The following B3GALT1 variants were observed in gnomAD, a reference collection of about 807,000 sequenced individuals.
The protein encoded by B3GALT1 is UDP-Gal:betaGlcNAc beta 1,3-galactosyltransferase, polypeptide 1.
B3GALT1 carries 10 observed loss-of-function variants against 23.2 expected under a neutral mutation model. The observed-to-expected ratio is 0.43, with a 90% CI of 0.27 to 0.73. The LOEUF (loss-of-function observed/expected upper bound fraction) is 0.73, where lower values mean the gene tolerates loss of function less well. Among genes scored for constraint, B3GALT1 ranks in the 30% least tolerant of loss-of-function variants. B3GALT1 has a pLI of 0.21. For missense variants in B3GALT1, 299 were observed against 405.4 expected (o/e 0.74, Z 2.25); for synonymous variants, 156 against 141.5 (o/e 1.10, Z -0.73).
At chr2:167,604,463 CTT>C (rs1015511521) in intron 2 of B3GALT1, among the ~76,000 whole-genome samples, 1 of 152,174 alleles carries the variant, frequency 6.6e-6, no homozygotes, top group African/African-American at 2.4e-5. Flanking sequence ...CGCATAATCA[CTT>C]TGTTTTGTAG....
chr2:167,572,751 C>G (rs942338798), intron 2 of B3GALT1, among the ~76,000 whole-genome samples: 2 of 151,556 alleles, frequency 1.3e-5, no homozygotes, highest in African/African-American at 2.4e-5. Context: ...GCTCACTTTA[C>G]AAAAAATATG....
intron 2 of B3GALT1, among the ~76,000 whole-genome samples, chr2:167,563,434 ACAG>A: frequency 6.9e-5 from 8 of 115,266 alleles, no homozygotes; most frequent in Admixed American, 2.5e-4. Flanking sequence ...TCCCTCCCGG[ACAG>A]GGGCGGCTGG....
At chr2:167,657,724 G>GT (rs1010098777) in intron 3 of B3GALT1, among the ~76,000 whole-genome samples, 5 of 151,918 alleles carry the variant, frequency 3.3e-5, no homozygotes, top group African/African-American at 1.2e-4. Context: ...GGTGTGTAAG[G>GT]TTTTTTTGAA....
chr2:167,341,790 A>G (rs916156967), intron 1 of B3GALT1, among the ~76,000 whole-genome samples: 2 of 152,212 alleles, frequency 1.3e-5, no homozygotes, highest in African/African-American at 2.4e-5. Context: ...TCTTGGAAAG[A>G]TATTTCCTGT....
At chr2:167,302,307 G>A (rs2105480367) in intron 1 of B3GALT1, among the ~76,000 whole-genome samples, 1 of 151,920 alleles carries the variant, frequency 6.6e-6, no homozygotes, top group East Asian at 1.9e-4. Context: ...TTTTTGCTGG[G>A]AACAGGCACT....
intron 2 of B3GALT1, among the ~76,000 whole-genome samples, chr2:167,546,778 C>T (rs761771282): frequency 2.0e-5 from 3 of 152,216 alleles, no homozygotes; most frequent in African/African-American, 4.8e-5. Flanking sequence ...CTTTGTCTCT[C>T]ACTCATATAT....
At chr2:167,793,445 A>G (rs1688481357) in intron 3 of B3GALT1, among the ~76,000 whole-genome samples, 1 of 152,138 alleles carries the variant, frequency 6.6e-6, no homozygotes. Context: ...GAGGGTACAG[A>G]TAGGAACAAA....
chr2:167,584,561 A>T (rs151136206), intron 2 of B3GALT1, among the ~76,000 whole-genome samples: 68 of 152,322 alleles, frequency 4.5e-4, no homozygotes, highest in African/African-American at 1.5e-3. Flanking sequence ...AGATAGCATC[A>T]GTTCCCACAG....
At chr2:167,509,372 CAAAT>C (rs1699969615) in intron 2 of B3GALT1, among the ~76,000 whole-genome samples, 1 of 151,868 alleles carries the variant, frequency 6.6e-6, no homozygotes, top group Non-Finnish European at 1.5e-5. Flanking sequence ...TAATAAACAA[CAAAT>C]AAAAATTTTC....
At chr2:167,567,103 A>AT (rs1397747246) in intron 2 of B3GALT1, among the ~76,000 whole-genome samples, 1 of 152,184 alleles carries the variant, frequency 6.6e-6, no homozygotes, top group Non-Finnish European at 1.5e-5. Flanking sequence ...AAGTGGAATG[A>AT]TGATCCCCTT....
intron 1 of B3GALT1, among the ~76,000 whole-genome samples, chr2:167,477,250 C>T (rs1358796422): frequency 2.0e-5 from 3 of 152,130 alleles, no homozygotes; most frequent in South Asian, 2.1e-4. Flanking sequence ...TAAAAAGCCA[C>T]GTTGGCAAGT....
intron 1 of B3GALT1, among the ~76,000 whole-genome samples, chr2:167,399,088 C>A (rs1371231880): frequency 6.6e-6 from 1 of 152,166 alleles, no homozygotes; most frequent in Non-Finnish European, 1.5e-5. Flanking sequence ...CATTACAGGG[C>A]AGCTTCTCAT....
intron 2 of B3GALT1, among the ~76,000 whole-genome samples, chr2:167,646,555 A>C (rs77851337): frequency 0.042 from 6,353 of 152,208 alleles, 466 homozygotes; most frequent in African/African-American, 0.15. Flanking sequence ...ACCTGCCATC[A>C]CAGGATCTTC....
intron 1 of B3GALT1, among the ~76,000 whole-genome samples, chr2:167,447,110 A>T (rs1253145361): frequency 1.3e-5 from 2 of 152,126 alleles, no homozygotes; most frequent in East Asian, 3.9e-4. Context: ...GGTCTGTTGG[A>T]GTTTGCTGGA....
intron 3 of B3GALT1, among the ~76,000 whole-genome samples, chr2:167,734,718 A>G (rs527809053): frequency 1.3e-5 from 2 of 152,182 alleles, no homozygotes; most frequent in Non-Finnish European, 2.9e-5. Flanking sequence ...TTCCCCAAGT[A>G]TCGTTCCTGG....
chr2:167,809,819 A>G (rs1342706274), intron 3 of B3GALT1, among the ~76,000 whole-genome samples: 11 of 152,042 alleles, frequency 7.2e-5, no homozygotes, highest in African/African-American at 2.7e-4. Context: ...GCTGTCAGAC[A>G]GGGACATTTA....
At position 167,807,106 on chromosome 2, in the gene B3GALT1, G is replaced by A. The variant is rs1339865031; in HGVS notation, c.-351-11566G>A. Among the ~76,000 whole-genome samples the A allele has an allele frequency of 3.9e-5, 6 of 152,274 alleles. No homozygotes were observed. The East Asian group carries it at 5.8e-4, about 15-fold the overall frequency. On this transcript the variant is annotated intron_variant, in intron 3 of 4. Coordinates refer to ENST00000392690, the MANE Select transcript of B3GALT1 (RefSeq NM_020981.4). ...GATTTTCTAGTTTATTTGCGTAGAG[G>A]TGTTTATAGTATTCTCTGATGGTAG... is the stretch of plus-strand genomic sequence containing the variant.
rs142971264 is a variant in B3GALT1, at chr2:167,351,934, G to C, written c.-511+58600G>C. ...GAACAACAGAATCTTCCAATACTGT[G>C]AAAGGAGAAGGCTGTTTTTGATTTT... On this transcript the variant is annotated intron_variant, in intron 1 of 4. Coordinates refer to ENST00000392690, the MANE Select transcript of B3GALT1 (RefSeq NM_020981.4). Among the ~76,000 whole-genome samples the C allele has an allele frequency of 5.0e-3, 733 of 145,404 alleles. 4 individuals carry two copies. The highest frequency in any genetic ancestry group is 0.017 in the African/African-American group (677 of 40,170).
chr2:167,575,792 A>G (rs931005246), intron 2 of B3GALT1, among the ~76,000 whole-genome samples: 1 of 151,824 alleles, frequency 6.6e-6, no homozygotes, highest in Non-Finnish European at 1.5e-5. Context: ...AAAGAACAAA[A>G]GAGGGTGAAC....
Sources: gnomAD v4.1 joint callset for allele counts (sites outside exome capture counted in the v4.1 genomes callset) on GRCh38, gnomAD v4.1.1 for gene constraint, MANE v1.5 for transcripts, NCBI Gene and HGNC (gene_info 2026-07-23, HGNC 2026-07-21) for gene names.